The following CATSPERT variants were observed in gnomAD, a reference collection of about 807,000 sequenced individuals.
CATSPERT encodes catsper channel auxiliary subunit tau.
chr2:201,584,777 T>C, the CATSPERT span, among the ~76,000 whole-genome samples: 1 of 151,812 alleles, frequency 6.6e-6, no homozygotes, highest in Non-Finnish European at 1.5e-5. Context: ...AGCAAGACTC[T>C]GTCTCAAAAA....
At chr2:201,545,629 CAAAAAAAAAAAA>C in the CATSPERT span, 29 of 152,416 alleles carry the variant, frequency 1.9e-4, 1 homozygote, top group South Asian at 1.1e-3. Context: ...TTCCTAGAAG[CAAAAAAAAAAAA>C]AAAAAAAAAA....
the CATSPERT span, among the ~76,000 whole-genome samples, chr2:201,556,464 A>G: frequency 6.6e-6 from 1 of 150,864 alleles, no homozygotes; most frequent in Non-Finnish European, 1.5e-5. Context: ...AGCCGAGATC[A>G]CGCCATTGAC....
chr2:201,548,408 C>A, the CATSPERT span, among the ~76,000 whole-genome samples: 1 of 152,188 alleles, frequency 6.6e-6, no homozygotes, highest in East Asian at 1.9e-4. Context: ...ACCCTCATGA[C>A]CTAATCTAAC....
At chr2:201,487,826 C>T in the CATSPERT span, 1 of 1,613,922 alleles carries the variant, frequency 6.2e-7, no homozygotes, top group Non-Finnish European at 8.5e-7. Context: ...TCCTAAAAGC[C>T]TTGATCTTGA....
the CATSPERT span, among the ~76,000 whole-genome samples, chr2:201,574,045 T>C: frequency 6.6e-6 from 1 of 152,230 alleles, no homozygotes; most frequent in African/African-American, 2.4e-5. Context: ...CTCATCTTTC[T>C]TTAGGCTGAA....
At chr2:201,505,439 T>C in the CATSPERT span, among the ~76,000 whole-genome samples, 2 of 152,192 alleles carry the variant, frequency 1.3e-5, no homozygotes, top group African/African-American at 4.8e-5. Context: ...CCTAGTGTCA[T>C]CCTGTGCTAT....
chr2:201,501,759 G>T, the CATSPERT span, among the ~76,000 whole-genome samples: 2 of 152,158 alleles, frequency 1.3e-5, no homozygotes, highest in Non-Finnish European at 2.9e-5. Flanking sequence ...AGAATACTAT[G>T]AACATTTGTA....
At chr2:201,576,192 C>G in the CATSPERT span, among the ~76,000 whole-genome samples, 1 of 152,124 alleles carries the variant, frequency 6.6e-6, no homozygotes, top group East Asian at 1.9e-4. Flanking sequence ...GAAAAAGACT[C>G]CATTTTATAT....
At chr2:201,618,854 G>A in the CATSPERT span, 140 of 1,587,506 alleles carry the variant, frequency 8.8e-5, no homozygotes, top group African/African-American at 1.8e-3. Flanking sequence ...CAGGTGCCCT[G>A]CTGGCCCCGG....
the CATSPERT span, among the ~76,000 whole-genome samples, chr2:201,495,599 C>T: frequency 6.6e-6 from 1 of 150,842 alleles, no homozygotes; most frequent in African/African-American, 2.4e-5. Context: ...CTTAGTAGTT[C>T]AAAATTATTT....
the CATSPERT span, among the ~76,000 whole-genome samples, chr2:201,507,251 A>C: frequency 6.6e-6 from 1 of 152,224 alleles, no homozygotes; most frequent in Non-Finnish European, 1.5e-5. Flanking sequence ...GAAAAATATA[A>C]TCTTAAAAAG....
At chr2:201,615,989 C>G in the CATSPERT span, among the ~76,000 whole-genome samples, 2 of 152,180 alleles carry the variant, frequency 1.3e-5, no homozygotes, top group African/African-American at 4.8e-5. Context: ...CACATACACC[C>G]TCCCAAGACT....
At chr2:201,491,259 T>TA in the CATSPERT span, 1 of 1,537,916 alleles carries the variant, frequency 6.5e-7, no homozygotes, top group Non-Finnish European at 8.7e-7. Flanking sequence ...TGGTTGGTAG[T>TA]ATCCTGACTA....
At chr2:201,492,928 T>C in the CATSPERT span, 3 of 1,536,612 alleles carry the variant, frequency 2.0e-6, no homozygotes, top group Admixed American at 5.9e-5. Flanking sequence ...TGAGAGTTCT[T>C]CTAGAAACAC....
chr2:201,591,634 A>G, the CATSPERT span, among the ~76,000 whole-genome samples: 1 of 152,178 alleles, frequency 6.6e-6, no homozygotes, highest in Admixed American at 6.5e-5. Context: ...ATATTCTTCC[A>G]TTTGTTTGTA....
the CATSPERT span, among the ~76,000 whole-genome samples, chr2:201,505,151 G>A: frequency 2.0e-5 from 3 of 152,096 alleles, no homozygotes; most frequent in Non-Finnish European, 4.4e-5. Flanking sequence ...CCAGGCTGGA[G>A]TGCAGTGGCA....
At chr2:201,604,819 T>A in the CATSPERT span, 1 of 515,560 alleles carries the variant, frequency 1.9e-6, no homozygotes, top group Non-Finnish European at 3.2e-6. Flanking sequence ...ATTGGGGTAT[T>A]AATATGATTA....
At chr2:201,561,129 A>T in the CATSPERT span, among the ~76,000 whole-genome samples, 3 of 152,246 alleles carry the variant, frequency 2.0e-5, no homozygotes, top group Non-Finnish European at 4.4e-5. Context: ...ACCTACCGTA[A>T]GAAAATACAT....
the CATSPERT span, chr2:201,536,323 A>G: frequency 6.3e-7 from 1 of 1,582,522 alleles, no homozygotes. Context: ...TCCAGTAACT[A>G]GAAAATACAG....
Sources: allele counts gnomAD v4.1 joint callset (sites outside exome capture counted in the v4.1 genomes callset), GRCh38; gene constraint gnomAD v4.1.1; transcripts MANE v1.5; gene names NCBI Gene and HGNC (gene_info 2026-07-23, HGNC 2026-07-21).